Variants in ANO7 observed in about 807,000 individuals in gnomAD.
ANO7 encodes anoctamin-7.
A neutral mutation model predicts 115.8 loss-of-function variants in ANO7; 114 were observed. The observed-to-expected ratio is 0.98, with a 90% confidence interval of 0.85 to 1.15. ANO7 has a LOEUF of 1.15. Among genes scored for constraint, ANO7 ranks in the 50% most tolerant of loss-of-function variants. The probability of loss-of-function intolerance (pLI) is 0.00; values close to 1 mark genes in which losing one functional copy is unlikely to be tolerated. For missense variants in ANO7, 1,302 were observed against 1,201.2 expected (o/e 1.08, Z -1.24); for synonymous variants, 550 against 498.2 (o/e 1.10, Z -1.38).
chr2:241,236,764 T>C, the ANO7 span: 2 of 1,613,936 alleles, frequency 1.2e-6, no homozygotes, highest in East Asian at 2.2e-5. Context: ...GGCTCTGTAC[T>C]GTGAACTAGA....
At chr2:241,227,237 G>A (rs1039393429), downstream of ANO7, 1 of 152,498 alleles carries the variant, frequency 6.6e-6, no homozygotes, top group African/African-American at 2.4e-5. Flanking sequence ...CCAGGGTGAC[G>A]AGAAAGAGAA....
At chr2:241,230,725 G>A (rs1338551583), downstream of ANO7, 1 of 1,592,758 alleles carries the variant, frequency 6.3e-7, no homozygotes, top group African/African-American at 1.3e-5. The surrounding 1 kb of genome is among the most constrained non-coding windows in gnomAD (Gnocchi z 5.0). Context: ...CGGTGAGAGA[G>A]GATTCTCACC....
intron 11 of ANO7, among the ~76,000 whole-genome samples, chr2:241,208,472 C>T (rs1430385898): frequency 6.6e-6 from 1 of 152,224 alleles, no homozygotes; most frequent in African/African-American, 2.4e-5. Flanking sequence ...GTGCTGGTTC[C>T]TCTTCTCCCC....
In ANO7 at chr2:241,209,591, C is replaced by A; in HGVS notation, c.1315C>A (p.Arg439Ser). 6.2e-7 allele frequency: 1 copy of A among 1,600,420 alleles called. No homozygotes were observed. The highest frequency in any genetic ancestry group is 1.1e-5 in the South Asian group (1 of 89,592). ...CGAGCCCTACTTCCCTGAGAGGAGC[C>A]GCGCGCGCCGCATGCTGGCCGGCTC... ...EDEPYFPERS[R>S]ARRMLAGSVV... Residue 439 changes from arginine to serine, a missense_variant, in exon 13 of 25, where the codon CGC (arginine) becomes AGC (serine). Arg to Ser is a moderately radical substitution (Grantham distance 110, BLOSUM62 -1). Coordinates refer to ENST00000674324, the MANE Select transcript of ANO7 (RefSeq NM_001370694.2).
At position 241,191,231 on chromosome 2, in the gene ANO7, G is replaced by A. The variant is rs770567414; in HGVS notation, c.146G>A (p.Ser49Asn). Residue 49 changes from serine to asparagine, a missense_variant, in exon 3 of 25, where the codon AGT (serine) becomes AAT (asparagine). Transcript: ENST00000674324. ...CAAGCGGCCGCCTGCAGAGCTGGGA[G>A]TCCTGCCAAGCCCCGGATCGGTGAG... ...GQQAAACRAG[S>N]PAKPRIADFV... is the part of the protein sequence containing the mutation. 4.3e-6 allele frequency: 7 copies of A among 1,613,832 alleles called. No individual in the cohort carries two copies. The highest frequency in any genetic ancestry group is 2.2e-5 in the East Asian group (1 of 44,880).
rs1275984688 is a variant in ANO7, at chr2:241,224,120, C to T, written c.2607C>T (p.Phe869=). 6.2e-7 allele frequency: 1 copy of T among 1,614,148 alleles called. No homozygotes were observed. The highest frequency in any genetic ancestry group is 8.5e-7 in the Non-Finnish European group (1 of 1,180,024). ...AGCTCAGCTCCCACTGGACACCCTT[C>T]ACGGTTCCCAAGGCCAGCCAGCTGC... ...GSELSSHWTP[F]TVPKASQLQQ is the part of the protein sequence containing the mutation. The change falls in exon 25 of 25, where the codon TTC becomes TTT. Residue 869 remains phenylalanine (F), a synonymous_variant. Coordinates refer to ENST00000674324, the MANE Select transcript of ANO7 (RefSeq NM_001370694.2).
intron 19 of ANO7, among the ~76,000 whole-genome samples, chr2:241,216,834 G>T (rs200948489): frequency 7.7e-6 from 1 of 130,038 alleles, no homozygotes; most frequent in Non-Finnish European, 1.7e-5. Context: ...TTGTTTGTTT[G>T]TTTTTGTTTT....
chr2:241,230,761 T>C (rs2069650467), downstream of ANO7: 1 of 1,613,694 alleles, frequency 6.2e-7, no homozygotes, highest in Admixed American at 1.7e-5. This position sits in a 1 kb window ranked among gnomAD's most constrained non-coding sequence, Gnocchi z 5.0. Flanking sequence ...CGGCTCACCT[T>C]GAATTCGTCC....
At chr2:241,240,082 T>C in the ANO7 span, 4 of 1,614,198 alleles carry the variant, frequency 2.5e-6, no homozygotes, top group Admixed American at 1.7e-5. This position sits in a 1 kb window ranked among gnomAD's most constrained non-coding sequence, Gnocchi z 5.5. Context: ...TTTGTGGTAT[T>C]CTGGCTTGGC....
rs528765553 is a variant in ANO7 at position 241,211,852 on chromosome 2, C to T, written c.1562-242C>T. On this transcript the variant is annotated intron_variant, in intron 15 of 24. Coordinates refer to ENST00000674324, the MANE Select transcript of ANO7 (RefSeq NM_001370694.2). ...CTGACCCATCCCCTGACCACTCACCCGTGTGCACCACATTCATTATTAGTG... is the reference window on the plus strand; with the variant it reads ...CTGACCCATCCCCTGACCACTCACCTGTGTGCACCACATTCATTATTAGTG... 1.7e-4 allele frequency among the ~76,000 whole-genome samples: 26 copies of T among 152,318 alleles called. No individual in the cohort carries two copies. In the East Asian group the frequency reaches 2.9e-3, roughly 17 times the overall value.
At chr2:241,205,023 A>C in intron 10 of ANO7, 68 bp downstream of exon 10, 1 of 1,409,372 alleles carries the variant, frequency 7.1e-7, no homozygotes, top group Non-Finnish European at 1.0e-6. Flanking sequence ...GGGCGGGGGG[A>C]CCCCTAGGTG....
intron 17 of ANO7, chr2:241,212,921 C>A: frequency 2.4e-6 from 1 of 410,042 alleles, no homozygotes; most frequent in South Asian, 2.5e-5. Context: ...TCGCTTAAGC[C>A]CAAGAGTACG....
Position 241,224,287 on chromosome 2 carries a change from T to C in ANO7, c.*134T>C, listed in dbSNP as rs561145248. The stretch of plus-strand genomic sequence containing the variant: ...CTGTTGTGCCTCATCTCTGGGCACA[T>C]TGCCTGCTTCCCCCCAGCGCCGGCT... On this transcript the variant is annotated 3_prime_UTR_variant, in exon 25 of 25. Coordinates refer to ENST00000674324, the MANE Select transcript of ANO7 (RefSeq NM_001370694.2). The C allele has an allele frequency of 5.4e-5, 53 of 984,322 alleles. No homozygotes were observed. In the African/African-American group the frequency reaches 6.3e-4, roughly 12 times the overall value. 61.0% of individuals were successfully genotyped at this position (984,322 alleles called of 1,614,324 possible).
chr2:241,221,431 T>A lies in ANO7; in HGVS notation c.2322-1755T>A, dbSNP rs553542631. ...TCTTGCTCTGTCACCCAGGCTGGAG[T>A]ACAGTGGTGTGATCTGGGCTCACTG... On this transcript the variant is annotated intron_variant, in intron 21 of 24. Transcript: ENST00000674324. 2.6e-5 allele frequency among the ~76,000 whole-genome samples: 4 copies of A among 152,026 alleles called. No individual in the cohort carries two copies. The East Asian group carries it at 7.8e-4, about 29-fold the overall frequency.
downstream of ANO7, chr2:241,229,780 G>A (rs745849596): frequency 1.2e-4 from 185 of 1,555,186 alleles, no homozygotes; most frequent in African/African-American, 2.1e-3. Flanking sequence ...CACCAAGCCC[G>A]CCTGCCCGCC....
the ANO7 span, chr2:241,231,279 G>A: frequency 2.7e-5 from 5 of 185,798 alleles, no homozygotes; most frequent in East Asian, 2.8e-4. Context: ...AGCTACTCCC[G>A]GGGCTGAGGC....
chr2:241,228,159 T>C (rs758108556), downstream of ANO7: 4 of 152,284 alleles, frequency 2.6e-5, no homozygotes, highest in African/African-American at 9.7e-5. Flanking sequence ...GGCTGTGAGA[T>C]GGATGGGCGT....
the ANO7 span, among the ~76,000 whole-genome samples, chr2:241,237,469 G>A: frequency 1.3e-5 from 2 of 152,320 alleles, no homozygotes; most frequent in East Asian, 3.9e-4. Context: ...CAGGAGGTGT[G>A]TGATGTAAAT....
At chr2:241,226,566 A>AG (rs2069178594), downstream of ANO7, among the ~76,000 whole-genome samples, 4 of 151,878 alleles carry the variant, frequency 2.6e-5, no homozygotes, top group South Asian at 8.3e-4. Flanking sequence ...CTGGGACTAC[A>AG]GGCGCCCGCC....
Sources: allele counts gnomAD v4.1 joint callset (sites outside exome capture counted in the v4.1 genomes callset), GRCh38; gene constraint gnomAD v4.1.1; non-coding constraint Gnocchi (gnomAD v3.1); transcripts MANE v1.5; gene names NCBI Gene and HGNC (gene_info 2026-07-23, HGNC 2026-07-21).